Variants in OSBPL5 observed in about 807,000 individuals in gnomAD.
OSBPL5 encodes oxysterol-binding protein-related protein 5.
A neutral mutation model predicts 111.2 loss-of-function variants in OSBPL5; 71 were observed. The ratio of observed to expected loss-of-function variants is 0.64; its 90% CI spans 0.53 to 0.78. The LOEUF is 0.78. Ranked by LOEUF, OSBPL5 falls within the 30% of genes least tolerant of loss-of-function variation. OSBPL5 has a pLI of 0.00. For synonymous variants in OSBPL5, 549 were observed against 513.9 expected (o/e 1.07, Z -0.93); for missense variants, 1,210 against 1,189.3 (o/e 1.02, Z -0.26).
intron 4 of OSBPL5, 103 bp downstream of exon 4, chr11:3,122,245 G>A: frequency 7.2e-7 from 1 of 1,386,162 alleles, no homozygotes; most frequent in Non-Finnish European, 9.9e-7. Flanking sequence ...ACCAGGTGCG[G>A]TTTGTCCCCT....
Position 3,105,233 on chromosome 11 carries a change from C to T in OSBPL5, c.1060-856G>A, listed in dbSNP as rs554795998. ...AGGGCTCTCTGCATTTTTAGCCCAA[C>T]GGCAGCTGCCCCAGGGAGCGGGCAA... On this transcript the variant is annotated intron_variant, in intron 9 of 21. Transcript: ENST00000263650. This position sits in a 1 kb window ranked among gnomAD's most constrained non-coding sequence, Gnocchi z 5.2. Among the ~76,000 whole-genome samples the T allele has an allele frequency of 2.6e-4, 39 of 152,338 alleles. No individual in the cohort carries two copies. The highest frequency in any genetic ancestry group is 8.7e-4 in the African/African-American group (36 of 41,568).
intron 1 of OSBPL5, among the ~76,000 whole-genome samples, chr11:3,135,220 G>A (rs1277132251): frequency 6.6e-6 from 1 of 152,272 alleles, no homozygotes; most frequent in African/African-American, 2.4e-5. Flanking sequence ...GGGCTGGGCA[G>A]GGCCGTGCTT....
chr11:3,098,310 C>A (rs1857341308), intron 14 of OSBPL5, among the ~76,000 whole-genome samples: 1 of 151,368 alleles, frequency 6.6e-6, no homozygotes, highest in Admixed American at 6.6e-5. Context: ...AATTCTGTCT[C>A]ATTGGAGTTC....
chr11:3,126,387 G>A lies in OSBPL5; in HGVS notation c.219+86C>T, dbSNP rs573898697. The A allele has an allele frequency of 8.3e-7, 1 of 1,198,098 alleles. No individual in the cohort carries two copies. The highest frequency in any genetic ancestry group is 1.1e-6 in the Non-Finnish European group (1 of 886,168). The allele number at this position is 1,198,098 out of a possible 1,614,324, so 74.2% of individuals were successfully genotyped here. A position where few individuals can be genotyped will look rare whatever the true frequency, so the allele number is the denominator to read the frequency against. ...GCTGGAATGGCAGGCTCAGCTGGAC[G>A]CCCTGCTGTCCTTTTCCCCAGCCGT... is the stretch of plus-strand genomic sequence containing the variant. On this transcript the variant is annotated intron_variant, in intron 3 of 21. Coordinates refer to ENST00000263650, the MANE Select transcript of OSBPL5 (RefSeq NM_020896.4). This position sits in a 1 kb window ranked among gnomAD's most constrained non-coding sequence, Gnocchi z 6.5.
intron 1 of OSBPL5, among the ~76,000 whole-genome samples, chr11:3,145,825 G>C (rs1462286705): frequency 6.6e-6 from 1 of 152,202 alleles, no homozygotes; most frequent in Non-Finnish European, 1.5e-5. Context: ...GTTGGCAATG[G>C]GCACCTGGTA....
At chr11:3,147,040 C>G (rs1030035958) in intron 1 of OSBPL5, among the ~76,000 whole-genome samples, 20 of 151,904 alleles carry the variant, frequency 1.3e-4, no homozygotes, top group African/African-American at 4.8e-4. Context: ...GGCCCCAGCT[C>G]TGTCCTGGGA....
Position 3,126,392 on chromosome 11 carries a change from G to C in OSBPL5, c.219+81C>G. On this transcript the variant is annotated intron_variant, in intron 3 of 21. Coordinates refer to ENST00000263650, the MANE Select transcript of OSBPL5 (RefSeq NM_020896.4). This position sits in a 1 kb window ranked among gnomAD's most constrained non-coding sequence, Gnocchi z 6.5. ...AATGGCAGGCTCAGCTGGACGCCCT[G>C]CTGTCCTTTTCCCCAGCCGTTTCCT... The C allele has an allele frequency of 7.8e-7, 1 of 1,288,936 alleles. No homozygotes were observed. Among genetic ancestry groups the C allele is most frequent in the Non-Finnish European group, 1.0e-6 (1 of 962,768 alleles). 79.8% of individuals were successfully genotyped at this position (1,288,936 alleles called of 1,614,324 possible). A position where few individuals can be genotyped will look rare whatever the true frequency, so the allele number is the denominator to read the frequency against.
rs1564837756 is a variant in OSBPL5, at chr11:3,112,077, G to GTGTGTGTGTGTGTGTGCA, written c.692-4133_692-4132insTGCACACACACACACACA. On this transcript the variant is annotated intron_variant, in intron 7 of 21. Transcript: ENST00000263650. ...TGTGCATGTGTATGTGTGTGTGCAT[G>GTGTGTGTGTGTGTGTGCA]TGTGTGTGCATGTGTGTGTGCATAT... Among the ~76,000 whole-genome samples the GTGTGTGTGTGTGTGTGCA allele has an allele frequency of 3.0e-5, 3 of 98,742 alleles. 1 individual carries two copies. The highest frequency in any genetic ancestry group is 1.0e-4 in the African/African-American group (3 of 29,462). 64.8% of individuals were successfully genotyped at this position (98,742 alleles called of 152,430 possible). A position where few individuals can be genotyped will look rare whatever the true frequency, so the allele number is the denominator to read the frequency against.
At chr11:3,097,087 A>T (rs1331811139) in intron 14 of OSBPL5, among the ~76,000 whole-genome samples, 1 of 101,588 alleles carries the variant, frequency 9.8e-6, no homozygotes, top group Non-Finnish European at 2.0e-5. Context: ...GGAGGAGAAG[A>T]GGAAAGAGGG....
In OSBPL5 at chr11:3,141,711, G is replaced by T. The variant is rs889771849; in HGVS notation, c.-21-12542C>A. Reference sequence around the variant, plus strand: ...ATGCATCCCAGTGCTTTGCCGAGGTGCCTACGCCACCCTTGCATGTGTGTC... The same window carrying T: ...ATGCATCCCAGTGCTTTGCCGAGGTTCCTACGCCACCCTTGCATGTGTGTC... On this transcript the variant is annotated intron_variant, in intron 1 of 21. Transcript: ENST00000263650. The surrounding 1 kb of genome is among the most constrained non-coding windows in gnomAD (Gnocchi z 6.5). Among the ~76,000 whole-genome samples the T allele has an allele frequency of 1.3e-5, 2 of 152,150 alleles. No individual in the cohort carries two copies. The highest frequency in any genetic ancestry group is 2.9e-5 in the Non-Finnish European group (2 of 68,034).
At chr11:3,108,340 C>T (rs1379155490) in intron 7 of OSBPL5, among the ~76,000 whole-genome samples, 8 of 152,176 alleles carry the variant, frequency 5.3e-5, no homozygotes, top group Non-Finnish European at 7.4e-5. Flanking sequence ...CCAGAACACT[C>T]GGAACCAGCC....
chr11:3,144,701 T>G (rs1335285647), intron 1 of OSBPL5, among the ~76,000 whole-genome samples: 2 of 152,218 alleles, frequency 1.3e-5, no homozygotes, highest in Admixed American at 6.5e-5. Context: ...GGGAAAAACA[T>G]GTCCCCCTTA....
At chr11:3,119,732 G>T in intron 6 of OSBPL5, 101 bp from the exon 7 acceptor site, 1 of 1,187,418 alleles carries the variant, frequency 8.4e-7, no homozygotes, top group Non-Finnish European at 1.2e-6. Flanking sequence ...GGGACCACCT[G>T]GACACCCCCA....
intron 1 of OSBPL5, among the ~76,000 whole-genome samples, chr11:3,160,407 C>T (rs1379307889): frequency 6.6e-6 from 1 of 152,136 alleles, no homozygotes; most frequent in Non-Finnish European, 1.5e-5. Flanking sequence ...CTTCCAGAGT[C>T]CCGGCCCTTT....
intron 1 of OSBPL5, among the ~76,000 whole-genome samples, chr11:3,152,258 T>C (rs1846615716): frequency 6.6e-6 from 1 of 152,252 alleles, no homozygotes; most frequent in Non-Finnish European, 1.5e-5. Context: ...GTTTTCATAG[T>C]TACCTGCAGT....
chr11:3,159,660 G>A (rs1450517825), intron 1 of OSBPL5, among the ~76,000 whole-genome samples: 3 of 152,218 alleles, frequency 2.0e-5, no homozygotes, highest in Admixed American at 6.5e-5. Context: ...AGGGTCTGCC[G>A]GCAGAGACAG....
At chr11:3,112,481 T>C (rs939749462) in intron 7 of OSBPL5, among the ~76,000 whole-genome samples, 5 of 147,192 alleles carry the variant, frequency 3.4e-5, no homozygotes, top group African/African-American at 1.2e-4. Context: ...TTCTTTTCTT[T>C]TTTTTTTTTT....
chr11:3,095,218 C>T (rs750459250), intron 14 of OSBPL5, among the ~76,000 whole-genome samples: 27 of 149,352 alleles, frequency 1.8e-4, no homozygotes, highest in Admixed American at 4.7e-4. Context: ...CCAGGCTCCA[C>T]GGAGAGGAAG....
At chr11:3,163,657 G>C (rs1847031323) in intron 1 of OSBPL5, among the ~76,000 whole-genome samples, 1 of 152,320 alleles carries the variant, frequency 6.6e-6, no homozygotes, top group African/African-American at 2.4e-5. Context: ...TGGCTGCCCG[G>C]GGTTCGACAT....
Sources: allele counts gnomAD v4.1 joint callset (sites outside exome capture counted in the v4.1 genomes callset), GRCh38; gene constraint gnomAD v4.1.1; non-coding constraint Gnocchi (gnomAD v3.1); transcripts MANE v1.5; gene names NCBI Gene and HGNC (gene_info 2026-07-23, HGNC 2026-07-21).